The following SCHIP1 variants were observed in gnomAD, a reference collection of about 807,000 sequenced individuals.
The protein encoded by SCHIP1 is schwannomin interacting protein 1, also known as schwannomin-interacting protein 1.
SCHIP1 carries 8 observed loss-of-function variants against 29.7 expected under a neutral mutation model. That is an observed-to-expected ratio of 0.27 (90% CI 0.16 to 0.49). The LOEUF (loss-of-function observed/expected upper bound fraction) is 0.49. SCHIP1 is among the 20% of genes least tolerant of loss of function. The probability of loss-of-function intolerance (pLI) is 0.99; values close to 1 mark genes in which losing one functional copy is unlikely to be tolerated. For missense variants in SCHIP1, 193 were observed against 294.6 expected (o/e 0.66, Z 2.52); for synonymous variants, 76 against 94.9 (o/e 0.80, Z 1.16).
chr3:159,601,677 C>T, the SCHIP1 span, among the ~76,000 whole-genome samples: 28 of 152,230 alleles, frequency 1.8e-4, no homozygotes, highest in Admixed American at 1.8e-3. Flanking sequence ...CAGCCCCAGA[C>T]AGGGAGTTCT....
chr3:159,500,699 C>CGAGA, the SCHIP1 span, among the ~76,000 whole-genome samples: 3 of 149,224 alleles, frequency 2.0e-5, no homozygotes, highest in Non-Finnish European at 3.0e-5. Flanking sequence ...GGCGAAAGAG[C>CGAGA]GAGACTCTGT....
the SCHIP1 span, among the ~76,000 whole-genome samples, chr3:159,547,249 G>T: frequency 1.3e-5 from 2 of 152,032 alleles, no homozygotes; most frequent in South Asian, 4.2e-4. Context: ...ATCCTTTGTT[G>T]CCCACTTGTT....
At chr3:159,457,350 T>C in the SCHIP1 span, among the ~76,000 whole-genome samples, 2 of 151,962 alleles carry the variant, frequency 1.3e-5, no homozygotes, top group African/African-American at 4.8e-5. Context: ...TGTTTGTCCT[T>C]ACCATTCTTT....
the SCHIP1 span, among the ~76,000 whole-genome samples, chr3:159,399,310 T>C: frequency 2.0e-5 from 3 of 152,162 alleles, no homozygotes; most frequent in Admixed American, 2.0e-4. Flanking sequence ...ATTTCATAGT[T>C]CTTATCATCT....
the SCHIP1 span, among the ~76,000 whole-genome samples, chr3:159,582,209 TC>T: frequency 2.1e-4 from 32 of 152,222 alleles, no homozygotes; most frequent in East Asian, 5.8e-3. Flanking sequence ...GTCTCACTGT[TC>T]CCCAGGCTGA....
chr3:159,602,445 T>C, the SCHIP1 span, among the ~76,000 whole-genome samples: 6,667 of 152,248 alleles, frequency 0.044, 315 homozygotes, highest in African/African-American at 0.12. Flanking sequence ...GCATGGTGGC[T>C]CATACTTGTA....
chr3:159,756,402 G>A, the SCHIP1 span, among the ~76,000 whole-genome samples: 2 of 152,190 alleles, frequency 1.3e-5, no homozygotes, highest in African/African-American at 2.4e-5. Flanking sequence ...AGACATGGCT[G>A]GAGCGGCTGG....
At chr3:159,432,329 TGTGTGTGTGTGAGAGAGAGA>T in the SCHIP1 span, among the ~76,000 whole-genome samples, 50 of 99,972 alleles carry the variant, frequency 5.0e-4, no homozygotes, top group Admixed American at 1.3e-3. Flanking sequence ...TGTGTGTGTG[TGTGTGTGTGTGAGAGAGAGA>T]GAGAGAGAGA....
At chr3:159,680,521 A>G in the SCHIP1 span, among the ~76,000 whole-genome samples, 10 of 121,582 alleles carry the variant, frequency 8.2e-5, no homozygotes, top group African/African-American at 3.1e-4. Context: ...AAAAAAATAT[A>G]TATATATGTA....
the SCHIP1 span, among the ~76,000 whole-genome samples, chr3:159,796,763 G>A: frequency 6.6e-6 from 1 of 152,204 alleles, no homozygotes; most frequent in African/African-American, 2.4e-5. Flanking sequence ...CCATGGGGAA[G>A]TGAAGTAATA....
chr3:159,322,699 T>C, the SCHIP1 span, among the ~76,000 whole-genome samples: 3 of 152,226 alleles, frequency 2.0e-5, no homozygotes. Flanking sequence ...TGTTCCAGGA[T>C]GCTTGTTAAA....
At chr3:159,716,599 A>T in the SCHIP1 span, among the ~76,000 whole-genome samples, 1 of 152,162 alleles carries the variant, frequency 6.6e-6, no homozygotes, top group African/African-American at 2.4e-5. Context: ...GGAGTCTCTG[A>T]TAAAACAGAC....
the SCHIP1 span, among the ~76,000 whole-genome samples, chr3:159,446,041 T>TAATA: frequency 6.6e-6 from 1 of 151,518 alleles, no homozygotes; most frequent in African/African-American, 2.4e-5. Context: ...ATAATAATAA[T>TAATA]AAAAAGAAAA....
chr3:159,761,115 G>C, the SCHIP1 span, among the ~76,000 whole-genome samples: 1 of 152,212 alleles, frequency 6.6e-6, no homozygotes. Context: ...TAAGAGCAGT[G>C]AGTAGACCTG....
At chr3:159,433,003 T>C in the SCHIP1 span, among the ~76,000 whole-genome samples, 8 of 152,224 alleles carry the variant, frequency 5.3e-5, no homozygotes, top group Admixed American at 3.9e-4. Context: ...AGAGCCAGAT[T>C]TGAGGTGAAG....
the SCHIP1 span, among the ~76,000 whole-genome samples, chr3:159,461,459 A>G: frequency 6.6e-6 from 1 of 152,222 alleles, no homozygotes; most frequent in African/African-American, 2.4e-5. Flanking sequence ...ACAAAGTTGC[A>G]AACAATGGAT....
At chr3:159,528,471 G>A in the SCHIP1 span, among the ~76,000 whole-genome samples, 1 of 152,136 alleles carries the variant, frequency 6.6e-6, no homozygotes, top group African/African-American at 2.4e-5. Context: ...AGAGAGACCC[G>A]CTGGCAGTGG....
chr3:159,607,101 G>A, the SCHIP1 span, among the ~76,000 whole-genome samples: 45 of 152,086 alleles, frequency 3.0e-4, 1 homozygote, highest in African/African-American at 9.9e-4. Context: ...GTTTTCATAC[G>A]CCCACCCTTC....
At chr3:159,692,013 C>CCT in the SCHIP1 span, among the ~76,000 whole-genome samples, 1 of 90,942 alleles carries the variant, frequency 1.1e-5, no homozygotes, top group African/African-American at 4.8e-5. Context: ...CCCGACCTTT[C>CCT]TTTTTTTTTT....
Sources: allele counts gnomAD v4.1 joint callset (sites outside exome capture counted in the v4.1 genomes callset), GRCh38; gene constraint gnomAD v4.1.1; transcripts MANE v1.5; gene names NCBI Gene and HGNC (gene_info 2026-07-23, HGNC 2026-07-21).